The following ADARB1 variants were observed in gnomAD, a reference collection of about 807,000 sequenced individuals.
ADARB1 encodes the protein double-stranded RNA-specific editase 1.
A neutral mutation model predicts 52.4 loss-of-function variants in ADARB1; 10 were observed. The observed-to-expected ratio is 0.19, with a 90% confidence interval of 0.12 to 0.32. ADARB1 has a LOEUF of 0.32. Among genes scored for constraint, ADARB1 ranks in the 10% least tolerant of loss-of-function variants. The pLI is 1.00. For synonymous variants in ADARB1, 349 were observed against 371.1 expected (o/e 0.94, Z 0.68); for missense variants, 643 against 922.3 (o/e 0.70, Z 3.92).
rs1019663144 is a variant in ADARB1 at position 45,222,743 on chromosome 21, G to C, written c.*546G>C. 6.1e-6 allele frequency: 6 copies of C among 985,854 alleles called. No homozygotes were observed. The highest frequency in any genetic ancestry group is 3.6e-6 in the Non-Finnish European group (3 of 830,384). The allele number at this position is 985,854 out of a possible 1,614,324, so 61.1% of individuals were successfully genotyped here. Reference sequence around the variant, plus strand: ...ATCGCCACACGTCTGTCTAAACTTAGGTCTCTTTTCTCCGTAGGTACCTCC... The same window carrying C: ...ATCGCCACACGTCTGTCTAAACTTACGTCTCTTTTCTCCGTAGGTACCTCC... On this transcript the variant is annotated 3_prime_UTR_variant, in exon 11 of 11. Transcript: ENST00000348831.
chr21:45,204,801 G>A lies in ADARB1; in HGVS notation c.1747+65G>A. On this transcript the variant is annotated intron_variant, in intron 9 of 10. Transcript: ENST00000348831. The surrounding 1 kb of genome is among the most constrained non-coding windows in gnomAD (Gnocchi z 4.4). ...GATTTTGCAATGTTTTCATCCTCAT[G>A]AATGAAAAAAACACCACCTGAGCTG... 4.5e-6 allele frequency: 7 copies of A among 1,542,758 alleles called. No homozygotes were observed. The highest frequency in any genetic ancestry group is 1.7e-4 in the Middle Eastern group (1 of 5,768).
chr21:45,183,226 C>A lies in ADARB1; in HGVS notation c.1248-136C>A, dbSNP rs185732651. On this transcript the variant is annotated intron_variant, in intron 6 of 10. Coordinates refer to ENST00000348831, the MANE Select transcript of ADARB1 (RefSeq NM_001112.4). ...TGAGTGACAAGAACTGTATTAATTA[C>A]CCTAAACATGTAAAATAAATATTCC... The A allele has an allele frequency of 8.1e-5, 68 of 841,402 alleles. No homozygotes were observed. In the African/African-American group the frequency reaches 9.5e-4, roughly 12 times the overall value. 52.1% of individuals were successfully genotyped at this position (841,402 alleles called of 1,614,324 possible).
At chr21:45,135,361 T>G (rs1365998517) in intron 2 of ADARB1, among the ~76,000 whole-genome samples, 1 of 152,276 alleles carries the variant, frequency 6.6e-6, no homozygotes, top group African/African-American at 2.4e-5. Context: ...GTCAGCTGTC[T>G]GCATCCTCCT....
rs4819034 is a variant in ADARB1, at chr21:45,208,676, A to G, written c.1747+3940A>G. The stretch of plus-strand genomic sequence containing the variant: ...AGTGTGTGCATGAGTGCGTGTGTGT[A>G]TGAGTGTGTGTGCATGTGTGTGTGC... On this transcript the variant is annotated intron_variant, in intron 9 of 10. Coordinates refer to ENST00000348831, the MANE Select transcript of ADARB1 (RefSeq NM_001112.4). This position sits in a 1 kb window ranked among gnomAD's most constrained non-coding sequence, Gnocchi z 5.6. Among the ~76,000 whole-genome samples, 77,761 of 151,504 alleles carry G rather than the reference A, an allele frequency of 0.51. 20,238 individuals carry two copies. Among genetic ancestry groups the G allele is most frequent in the South Asian group, 0.58 (2,782 of 4,812 alleles).
chr21:45,225,349 T>G lies in ADARB1; in HGVS notation c.*3152T>G. Reference sequence around the variant, plus strand: ...GCAGTTTTTATTCTGAGTCTTAATTTAACTTTTCATCATCTTTTCCTATTT... The same window carrying G: ...GCAGTTTTTATTCTGAGTCTTAATTGAACTTTTCATCATCTTTTCCTATTT... On this transcript the variant is annotated 3_prime_UTR_variant, in exon 11 of 11. Coordinates refer to ENST00000348831, the MANE Select transcript of ADARB1 (RefSeq NM_001112.4). The G allele has an allele frequency of 1.6e-6, 2 of 1,232,690 alleles. No homozygotes were observed. Among genetic ancestry groups the G allele is most frequent in the Non-Finnish European group, 2.0e-6 (2 of 987,724 alleles). 76.4% of individuals were successfully genotyped at this position (1,232,690 alleles called of 1,614,324 possible).
At chr21:45,168,922 C>G (rs914281676) in intron 2 of ADARB1, among the ~76,000 whole-genome samples, 3 of 152,192 alleles carry the variant, frequency 2.0e-5, no homozygotes, top group African/African-American at 7.2e-5. Context: ...GACTCTAAAT[C>G]TTACTGAAGC....
Position 45,157,498 on chromosome 21 carries a change from C to T in ADARB1, c.-47-14112C>T, listed in dbSNP as rs77800933. ...CACTGTGAAGGACGGAGCAACTTCA[C>T]GAAGGCAGGGCCCTGTGAAGGTTTG... On this transcript the variant is annotated intron_variant, in intron 2 of 10. Transcript: ENST00000348831. The surrounding 1 kb of genome is among the most constrained non-coding windows in gnomAD (Gnocchi z 4.1). Among the ~76,000 whole-genome samples the T allele has an allele frequency of 4.3e-3, 646 of 151,956 alleles. 2 individuals carry two copies. The highest frequency in any genetic ancestry group is 0.015 in the African/African-American group (610 of 41,436).
chr21:45,171,523 A>G, intron 2 of ADARB1, 87 bp from the exon 3 acceptor site: 2 of 839,740 alleles, frequency 2.4e-6, no homozygotes, highest in East Asian at 2.6e-5. Flanking sequence ...ATTTGTAATA[A>G]TGTTGTAATT....
At position 45,222,631 on chromosome 21, in the gene ADARB1, T is replaced by C. The variant is rs2146474285; in HGVS notation, c.*434T>C. On this transcript the variant is annotated 3_prime_UTR_variant, in exon 11 of 11. Coordinates refer to ENST00000348831, the MANE Select transcript of ADARB1 (RefSeq NM_001112.4). ...AGGAAGTAATTGTGTCAGGTCACTT[T>C]TATGCCACATTATTTTAATTGCAAA... is the stretch of plus-strand genomic sequence containing the variant. The C allele has an allele frequency of 3.0e-6, 3 of 993,420 alleles. No homozygotes were observed. In the South Asian group the frequency reaches 1.4e-4, roughly 46 times the overall value. 61.5% of individuals were successfully genotyped at this position (993,420 alleles called of 1,614,324 possible). A position where few individuals can be genotyped will look rare whatever the true frequency, so the allele number is the denominator to read the frequency against.
At chr21:45,209,760 C>T (rs2092732419) in intron 9 of ADARB1, among the ~76,000 whole-genome samples, 1 of 152,166 alleles carries the variant, frequency 6.6e-6, no homozygotes, top group African/African-American at 2.4e-5. Context: ...AGTTTCTTTC[C>T]TACTTACTAC....
At chr21:45,114,304 T>C (rs1446635407) in intron 1 of ADARB1, among the ~76,000 whole-genome samples, 1 of 152,228 alleles carries the variant, frequency 6.6e-6, no homozygotes, top group African/African-American at 2.4e-5. Context: ...TTCACATTGC[T>C]GAACTCAGGA....
chr21:45,101,279 C>A (rs1464652863), intron 1 of ADARB1, among the ~76,000 whole-genome samples: 1 of 152,138 alleles, frequency 6.6e-6, no homozygotes, highest in Non-Finnish European at 1.5e-5. Context: ...GCTCGCTGTG[C>A]CCTGCGCGCG....
chr21:45,110,340 C>T (rs1335140147), intron 1 of ADARB1, among the ~76,000 whole-genome samples: 1 of 152,126 alleles, frequency 6.6e-6, no homozygotes, highest in East Asian at 1.9e-4. Context: ...TTATTTCCCA[C>T]GAATTTGAAA....
chr21:45,207,306 A>G (rs926062918), intron 9 of ADARB1, among the ~76,000 whole-genome samples: 1 of 152,258 alleles, frequency 6.6e-6, no homozygotes, highest in Non-Finnish European at 1.5e-5. Flanking sequence ...GAGAGTTCAG[A>G]TCAGCAAAGC....
chr21:45,162,274 G>A (rs1006529997), intron 2 of ADARB1, among the ~76,000 whole-genome samples: 3 of 152,186 alleles, frequency 2.0e-5, no homozygotes, highest in Non-Finnish European at 2.9e-5. Flanking sequence ...GCTGTGTGTG[G>A]TATGCCTGGT....
chr21:45,191,552 T>C (rs1366702704), intron 8 of ADARB1, among the ~76,000 whole-genome samples: 1 of 152,130 alleles, frequency 6.6e-6, no homozygotes, highest in South Asian at 2.1e-4. Flanking sequence ...TGGTAAATAA[T>C]TAATAGATTT....
In ADARB1 at chr21:45,109,248, C is replaced by T. The variant is rs372863012; in HGVS notation, c.-219-19154C>T. Among the ~76,000 whole-genome samples, 17 of 124,208 alleles carry T rather than the reference C, an allele frequency of 1.4e-4. No individual in the cohort carries two copies. In the East Asian group the frequency reaches 2.6e-3, roughly 19 times the overall value. The allele number at this position is 124,208 out of a possible 152,430, so 81.5% of individuals were successfully genotyped here. ...GCTTGTGTGTATATGTGTGTGCGCGCGTGTGCGTATGTGTGTGCACTGCGC... is the reference window on the plus strand; with the variant it reads ...GCTTGTGTGTATATGTGTGTGCGCGTGTGTGCGTATGTGTGTGCACTGCGC... On this transcript the variant is annotated intron_variant, in intron 1 of 10. Coordinates refer to ENST00000348831, the MANE Select transcript of ADARB1 (RefSeq NM_001112.4).
intron 8 of ADARB1, among the ~76,000 whole-genome samples, chr21:45,186,177 C>T (rs535736979): frequency 6.6e-6 from 1 of 152,312 alleles, no homozygotes; most frequent in East Asian, 1.9e-4. Flanking sequence ...TGCTAATTTA[C>T]AGAAATGATA....
In ADARB1 at chr21:45,089,550, C is replaced by T. The variant is rs556554505; in HGVS notation, c.-220+14757C>T. On this transcript the variant is annotated intron_variant, in intron 1 of 10. Coordinates refer to ENST00000348831, the MANE Select transcript of ADARB1 (RefSeq NM_001112.4). ...TTGAATCCTAAGAATACTTTCCCTA[C>T]TACAATACTCATATTTTTCTTTAAT... is the stretch of plus-strand genomic sequence containing the variant. 1.5e-4 allele frequency among the ~76,000 whole-genome samples: 23 copies of T among 152,116 alleles called. No homozygotes were observed. In the South Asian group the frequency reaches 4.8e-3, roughly 32 times the overall value.
Sources: allele counts gnomAD v4.1 joint callset (sites outside exome capture counted in the v4.1 genomes callset), GRCh38; gene constraint gnomAD v4.1.1; non-coding constraint Gnocchi (gnomAD v3.1); transcripts MANE v1.5; gene names NCBI Gene and HGNC (gene_info 2026-07-23, HGNC 2026-07-21).